The following BRF1 variants were observed in gnomAD, a reference collection of about 807,000 sequenced individuals.
BRF1 encodes BRF1 general transcription factor IIIB subunit.
In BRF1, 59 loss-of-function variants were observed where a neutral mutation model predicts 81.7. The ratio of observed to expected loss-of-function variants is 0.72; its 90% CI spans 0.59 to 0.90. BRF1 has a LOEUF of 0.90. BRF1 is among the 40% of genes least tolerant of loss of function. BRF1 has a pLI of 0.00. For missense variants in BRF1, 1,050 were observed against 936.3 expected (o/e 1.12, Z -1.58); for synonymous variants, 491 against 395.6 (o/e 1.24, Z -2.86).
chr14:105,307,071 G>T (rs2058210834), intron 1 of BRF1, among the ~76,000 whole-genome samples: 1 of 151,264 alleles, frequency 6.6e-6, no homozygotes, highest in African/African-American at 2.4e-5. Context: ...TTGAGGCAGG[G>T]TCTCACTCTG....
intron 2 of BRF1, among the ~76,000 whole-genome samples, chr14:105,281,334 T>C (rs1255729401): frequency 1.7e-3 from 177 of 101,286 alleles, no homozygotes; most frequent in East Asian, 3.5e-3. Flanking sequence ...GCCTGCGTGA[T>C]CCTGAGCCCA....
At chr14:105,248,656 C>T (rs1243749709) in intron 5 of BRF1, 17 of 979,230 alleles carry the variant, frequency 1.7e-5, no homozygotes, top group Non-Finnish European at 2.1e-5. Context: ...GTCGCAGGGG[C>T]GGGGGTGGCA....
intron 1 of BRF1, chr14:105,314,486 G>A (rs1416798669): frequency 1.3e-5 from 2 of 149,312 alleles, no homozygotes; most frequent in Non-Finnish European, 3.0e-5. Flanking sequence ...CCCGGGCGGG[G>A]TCTGTGCGCA....
chr14:105,275,243 C>T (rs959806395), intron 2 of BRF1, among the ~76,000 whole-genome samples: 1 of 152,166 alleles, frequency 6.6e-6, no homozygotes, highest in African/African-American at 2.4e-5. Flanking sequence ...ACTGCCAGGC[C>T]CCTGGCAGTC....
At chr14:105,241,142 A>T (rs901808176) in intron 6 of BRF1, 123 bp downstream of exon 6, 2 of 1,463,488 alleles carry the variant, frequency 1.4e-6, no homozygotes, top group Non-Finnish European at 1.8e-6. Context: ...CAGCCCCGGG[A>T]GGCTGGAGGC....
At chr14:105,288,068 G>A (rs2057380053) in intron 1 of BRF1, among the ~76,000 whole-genome samples, 1 of 152,212 alleles carries the variant, frequency 6.6e-6, no homozygotes, top group Admixed American at 6.5e-5. Context: ...CGGGGGCAGT[G>A]CCTGGAGACT....
intron 4 of BRF1, chr14:105,256,219 C>A: frequency 6.5e-7 from 1 of 1,536,586 alleles, no homozygotes. Context: ...TGAAAATAAT[C>A]TCCTTTGTGT....
At chr14:105,248,209 C>T in intron 5 of BRF1, 1 of 985,530 alleles carries the variant, frequency 1.0e-6, no homozygotes, top group Non-Finnish European at 1.2e-6. Flanking sequence ...AATCGCGAAG[C>T]ATCTGAACGA....
chr14:105,249,377 C>T (rs1264440617), intron 5 of BRF1: 1 of 1,611,590 alleles, frequency 6.2e-7, no homozygotes, highest in African/African-American at 1.3e-5. Flanking sequence ...TGGCTGTCGG[C>T]AGCTCCGTCT....
At chr14:105,304,288 A>T (rs915027457), upstream of BRF1, among the ~76,000 whole-genome samples, 8 of 152,104 alleles carry the variant, frequency 5.3e-5, 1 homozygote, top group Admixed American at 2.0e-4. Flanking sequence ...TCAAGAGATC[A>T]AGACCGTCCT....
intron 2 of BRF1, among the ~76,000 whole-genome samples, chr14:105,274,768 C>T (rs587735167): frequency 7.9e-5 from 12 of 152,322 alleles, no homozygotes; most frequent in Admixed American, 4.6e-4. Context: ...CTCACTGCCC[C>T]CACTTCTGTC....
At chr14:105,212,023 T>C in intron 16 of BRF1, 90 bp downstream of exon 16, 1 of 1,547,474 alleles carries the variant, frequency 6.5e-7, no homozygotes, top group Non-Finnish European at 8.8e-7. Flanking sequence ...AGGCCTGCTC[T>C]CCCTGTGGTC....
intron 4 of BRF1, chr14:105,256,182 T>C (rs1431942002): frequency 7.2e-6 from 11 of 1,525,876 alleles, no homozygotes; most frequent in Middle Eastern, 1.7e-4. Flanking sequence ...TATACCAAAC[T>C]AGGTACTCAC....
chr14:105,243,044 A>AGGC (rs1340971195), intron 5 of BRF1, among the ~76,000 whole-genome samples: 2 of 152,132 alleles, frequency 1.3e-5, no homozygotes, highest in East Asian at 3.8e-4. Context: ...TGAACCTAGG[A>AGGC]GGCGGAGATT....
chr14:105,292,758 C>G (rs181104744), intron 1 of BRF1, among the ~76,000 whole-genome samples: 1 of 152,100 alleles, frequency 6.6e-6, no homozygotes, highest in African/African-American at 2.4e-5. Flanking sequence ...CGGCAGCCCA[C>G]ACCCCTTCCC....
chr14:105,248,372 G>C (rs1404560081), intron 5 of BRF1: 1 of 985,360 alleles, frequency 1.0e-6, no homozygotes, highest in Admixed American at 6.1e-5. Context: ...TGCGGGTCTG[G>C]GGGCGGCCGC....
chr14:105,216,033 G>A (rs1429688912), intron 15 of BRF1, among the ~76,000 whole-genome samples: 3 of 126,534 alleles, frequency 2.4e-5, no homozygotes, highest in African/African-American at 8.8e-5. Context: ...ACAGACACAG[G>A]CACACACACT....
At chr14:105,223,128 C>T (rs1184911792) in intron 10 of BRF1, among the ~76,000 whole-genome samples, 1 of 152,084 alleles carries the variant, frequency 6.6e-6, no homozygotes, top group Non-Finnish European at 1.5e-5. Flanking sequence ...AGGAGGTTGA[C>T]ACTGCAGTGA....
Position 105,221,839 on chromosome 14 carries a change from C to T in BRF1, c.1124G>A (p.Ser375Asn). The change falls in exon 11 of 18, where the codon AGC (serine) becomes AAC (asparagine). Residue 375 changes from serine (S) to asparagine (N), a missense_variant. Transcript: ENST00000547530. The stretch of plus-strand genomic sequence containing the variant: ...CCGGTATAAGTCTTTGTTCAGGTGG[C>T]TGGCCGCGGCTTCCAGCTCCTCGTC... ...TEDEELEAAA[S>N]HLNKDLYREL... 1 of 1,608,194 alleles carries T rather than the reference C, an allele frequency of 6.2e-7. No homozygotes were observed. The highest frequency in any genetic ancestry group is 1.1e-5 in the South Asian group (1 of 90,284).
Sources: gnomAD v4.1 joint callset for allele counts (sites outside exome capture counted in the v4.1 genomes callset) on GRCh38, gnomAD v4.1.1 for gene constraint, MANE v1.5 for transcripts, NCBI Gene and HGNC (gene_info 2026-07-23, HGNC 2026-07-21) for gene names.